THRB: variants seen among roughly 807,000 people sequenced by gnomAD.
The protein encoded by THRB is nuclear receptor subfamily 1 group A member 2.
THRB carries 12 observed loss-of-function variants against 47.8 expected under a neutral mutation model. That is an observed-to-expected ratio of 0.25 (90% CI 0.16 to 0.41). THRB has a LOEUF of 0.41. THRB is among the 10% of genes least tolerant of loss of function. THRB has a pLI of 1.00. For synonymous variants in THRB, 218 were observed against 212.2 expected, an observed-to-expected ratio of 1.03 and a Z score of -0.24; for missense variants, 348 against 589.2, an observed-to-expected ratio of 0.59 and a Z score of 4.24.
At chr3:24,289,966 A>G (rs9835572) in intron 3 of THRB, among the ~76,000 whole-genome samples, 36,739 of 152,106 alleles carry the variant, frequency 0.24, 4,983 homozygotes, top group Admixed American at 0.37. Context: ...CCTTACTTTT[A>G]AAGTCAATGC....
intron 3 of THRB, among the ~76,000 whole-genome samples, chr3:24,245,589 G>A (rs1469513720): frequency 1.3e-5 from 2 of 152,194 alleles, no homozygotes; most frequent in Non-Finnish European, 2.9e-5. Context: ...CAGGGACCAC[G>A]CCAATTTTCT....
intron 5 of THRB, among the ~76,000 whole-genome samples, chr3:24,174,525 G>A (rs2040876501): frequency 1.3e-5 from 2 of 152,102 alleles, no homozygotes; most frequent in South Asian, 4.2e-4. Context: ...CATGTCACCT[G>A]TTACCCCTCC....
intron 4 of THRB, among the ~76,000 whole-genome samples, chr3:24,193,421 G>A (rs1242218706): frequency 6.6e-6 from 1 of 152,146 alleles, no homozygotes; most frequent in Non-Finnish European, 1.5e-5. Flanking sequence ...GATCCACAGG[G>A]TTAAGATAAA....
rs371511442 is a variant in THRB at position 24,230,639 on chromosome 3, T to C, written c.-42-1638A>G. 4.8e-4 allele frequency among the ~76,000 whole-genome samples: 73 copies of C among 152,258 alleles called. 2 individuals carry two copies. The South Asian group carries it at 6.0e-3, about 13-fold the overall frequency. ...CCTACAGTATTGCGGGTCCTGACTC[T>C]GTTGCTCCTCTTAGAAACTGTGCTG... On this transcript the variant is annotated intron_variant, in intron 3 of 10. Transcript: ENST00000646209.
At chr3:24,293,372 A>G (rs1229130651) in intron 3 of THRB, among the ~76,000 whole-genome samples, 2 of 152,254 alleles carry the variant, frequency 1.3e-5, no homozygotes, top group African/African-American at 4.8e-5. Context: ...ATGAAAATCA[A>G]CTAGAAATGC....
At chr3:24,239,571 C>T (rs553903682) in intron 3 of THRB, among the ~76,000 whole-genome samples, 132 of 152,108 alleles carry the variant, frequency 8.7e-4, no homozygotes, top group Non-Finnish European at 1.6e-3. Flanking sequence ...GTCTTGGCCT[C>T]TATCATTATT....
At chr3:24,215,160 A>G (rs895814759) in intron 4 of THRB, among the ~76,000 whole-genome samples, 5 of 152,226 alleles carry the variant, frequency 3.3e-5, no homozygotes, top group African/African-American at 9.6e-5. Context: ...AACTGTATAT[A>G]TATCATTTAT....
chr3:24,295,832 AT>A (rs1201567866), intron 3 of THRB, among the ~76,000 whole-genome samples: 2 of 152,224 alleles, frequency 1.3e-5, no homozygotes, highest in African/African-American at 4.8e-5. Context: ...GATGGAATTT[AT>A]CAAGCACTGT....
rs186045783 is a variant in THRB at position 24,291,784 on chromosome 3, C to G, written c.-43+5442G>C. Among the ~76,000 whole-genome samples, 410 of 152,228 alleles carry G rather than the reference C, an allele frequency of 2.7e-3. 2 individuals are homozygous for G. The highest frequency in any genetic ancestry group is 9.3e-3 in the African/African-American group (386 of 41,550). On this transcript the variant is annotated intron_variant, in intron 3 of 10. Coordinates refer to ENST00000646209, the MANE Select transcript of THRB (RefSeq NM_001354712.2). ...CTGGGGCTCTTTTGCACATTGTCAA[C>G]AAGACTGCAAATTAGTCCAACATTT...
At chr3:24,479,144 A>C (rs1039394622) in intron 1 of THRB, among the ~76,000 whole-genome samples, 23 of 151,442 alleles carry the variant, frequency 1.5e-4, no homozygotes, top group African/African-American at 5.6e-4. Flanking sequence ...TAAAAATACA[A>C]AAAAAAAATT....
intron 3 of THRB, among the ~76,000 whole-genome samples, chr3:24,240,363 G>A (rs1276634137): frequency 2.0e-5 from 3 of 152,284 alleles, no homozygotes; most frequent in Admixed American, 1.3e-4. Context: ...CGCGTCAAAT[G>A]GGGAGGCTGT....
At chr3:24,250,996 A>G (rs527682522) in intron 3 of THRB, among the ~76,000 whole-genome samples, 2 of 152,190 alleles carry the variant, frequency 1.3e-5, no homozygotes, top group East Asian at 3.9e-4. Flanking sequence ...TCTCCCTAAA[A>G]TATACTTAAC....
chr3:24,269,736 T>C (rs1047695110), intron 3 of THRB, among the ~76,000 whole-genome samples: 4 of 151,982 alleles, frequency 2.6e-5, no homozygotes, highest in Non-Finnish European at 5.9e-5. Flanking sequence ...GTACCCAGCC[T>C]TAAGTTATTT....
chr3:24,409,149 T>C (rs2068073004), intron 1 of THRB, among the ~76,000 whole-genome samples: 2 of 151,802 alleles, frequency 1.3e-5, no homozygotes, highest in East Asian at 1.9e-4. Context: ...CGAAATGTCA[T>C]AGGGAGTGAA....
At chr3:24,250,580 A>G (rs899451470) in intron 3 of THRB, among the ~76,000 whole-genome samples, 6 of 152,148 alleles carry the variant, frequency 3.9e-5, no homozygotes, top group Admixed American at 2.0e-4. Flanking sequence ...GTACACCTAT[A>G]GTCTCAGCTA....
chr3:24,408,532 T>A (rs760520442), intron 1 of THRB, among the ~76,000 whole-genome samples: 7 of 151,848 alleles, frequency 4.6e-5, no homozygotes, highest in Non-Finnish European at 8.8e-5. Flanking sequence ...TGCATGAGCA[T>A]GTGTGTGAGC....
At chr3:24,480,482 C>A (rs1338058165) in intron 1 of THRB, among the ~76,000 whole-genome samples, 1 of 152,180 alleles carries the variant, frequency 6.6e-6, no homozygotes, top group Non-Finnish European at 1.5e-5. Flanking sequence ...TCAAGGATGG[C>A]AGGGATCAAA....
intron 2 of THRB, among the ~76,000 whole-genome samples, chr3:24,317,873 AT>A (rs1368435077): frequency 6.6e-6 from 1 of 152,164 alleles, no homozygotes; most frequent in Non-Finnish European, 1.5e-5. Context: ...CCTGGGAAAC[AT>A]GGCAAAACCT....
At chr3:24,152,527 A>C (rs777946742) in intron 5 of THRB, 37 bp from the exon 6 acceptor site, 25 of 1,130,354 alleles carry the variant, frequency 2.2e-5, no homozygotes, top group Non-Finnish European at 3.1e-5. Flanking sequence ...TTAAAAAATA[A>C]TATGTTAACG....
Sources: gnomAD v4.1 joint callset for allele counts (sites outside exome capture counted in the v4.1 genomes callset) on GRCh38, gnomAD v4.1.1 for gene constraint, MANE v1.5 for transcripts, NCBI Gene and HGNC (gene_info 2026-07-23, HGNC 2026-07-21) for gene names.